The following GP6 variants were observed in gnomAD, a reference collection of about 807,000 sequenced individuals.
GP6 encodes platelet glycoprotein VI.
Under a neutral mutation model 37.3 loss-of-function variants are expected in GP6, and 45 were observed. The observed-to-expected ratio is 1.21, with a 90% confidence interval of 0.95 to 1.55. GP6 has a LOEUF of 1.55. GP6 is among the 40% of genes most tolerant of loss of function. The probability of loss-of-function intolerance (pLI) is 0.00; values close to 1 mark genes in which losing one functional copy is unlikely to be tolerated. For missense variants in GP6, 813 were observed against 760.2 expected, an observed-to-expected ratio of 1.07 and a Z score of -0.82; for synonymous variants, 340 against 316.4, an observed-to-expected ratio of 1.07 and a Z score of -0.79.
chr19:55,018,572 G>T, intron 6 of GP6, 80 bp downstream of exon 6: 1 of 869,114 alleles, frequency 1.2e-6, no homozygotes, highest in Non-Finnish European at 2.0e-6. Flanking sequence ...GTGATTAAAA[G>T]CCTACAGGCT....
At chr19:55,015,209 T>A in intron 7 of GP6, 44 bp from the exon 8 acceptor site, 1 of 1,549,668 alleles carries the variant, frequency 6.5e-7, no homozygotes, top group African/African-American at 1.4e-5. Context: ...AGAGCCCACC[T>A]CCAGGACCCC....
chr19:55,018,486 C>T (rs928915099), intron 6 of GP6, among the ~76,000 whole-genome samples, 166 bp downstream of exon 6: 2 of 152,352 alleles, frequency 1.3e-5, no homozygotes, highest in South Asian at 2.1e-4. Context: ...CTTCTGAACC[C>T]CAGAGCTCCA....
intron 3 of GP6, among the ~76,000 whole-genome samples, chr19:55,030,504 AATT>A (rs202107906): frequency 3.3e-5 from 5 of 150,722 alleles, no homozygotes; most frequent in Non-Finnish European, 7.4e-5. Flanking sequence ...GCGCCCAGCT[AATT>A]ATTATTATTT....
Position 55,030,355 on chromosome 19 carries a change from T to TG in GP6, c.325+1783_325+1784insC, listed in dbSNP as rs1483597584. 9.6e-4 allele frequency among the ~76,000 whole-genome samples: 114 copies of TG among 118,410 alleles called. 2 individuals are homozygous for TG. Among genetic ancestry groups the TG allele is most frequent in the Middle Eastern group, 5.2e-3 (1 of 194 alleles). 77.7% of individuals were successfully genotyped at this position (118,410 alleles called of 152,430 possible). Reference sequence around the variant, plus strand: ...ACATAGTAAGACCTCTTCTCTTTTTTTTTTTTTCCCAAGACGGAGTCTTGC... The same window carrying TG: ...ACATAGTAAGACCTCTTCTCTTTTTTGTTTTTTTCCCAAGACGGAGTCTTGC... On this transcript the variant is annotated intron_variant, in intron 3 of 7. Transcript: ENST00000310373.
intron 4 of GP6, among the ~76,000 whole-genome samples, chr19:55,025,804 C>T (rs1260675089): frequency 1.3e-5 from 2 of 152,030 alleles, no homozygotes; most frequent in Non-Finnish European, 2.9e-5. Context: ...GAGTTCAAGA[C>T]CAGCCTGGCC....
At chr19:55,024,278 A>ACACACACATGCACG (rs1568612194) in intron 5 of GP6, among the ~76,000 whole-genome samples, 1 of 66,544 alleles carries the variant, frequency 1.5e-5, no homozygotes. Context: ...GCACGCATGC[A>ACACACACATGCACG]CACACACACA....
chr19:55,014,724 C>T lies in GP6; in HGVS notation c.1221G>A (p.Leu407=). The T allele has an allele frequency of 6.2e-7, 1 of 1,613,446 alleles. No individual in the cohort carries two copies. The highest frequency in any genetic ancestry group is 1.6e-4 in the Middle Eastern group (1 of 6,062). ...TTCCATCCCAAATGGAGGGTGCCCTCAGACAGAGAGGCAGACAGACAGACA... is the reference window on the plus strand; with the variant it reads ...TTCCATCCCAAATGGAGGGTGCCCTTAGACAGAGAGGCAGACAGACAGACA... Residue 407 remains leucine (L), a synonymous_variant, in exon 8 of 8, where the codon CTG becomes CTA. Transcript: ENST00000310373.
chr19:55,032,110 G>T lies in GP6; in HGVS notation c.325+29C>A, dbSNP rs369128928. Reference sequence around the variant, plus strand: ...TGTGTCCTGAACGGAGGACCACGCAGTCCCAGGCTCCGATCCCCCTTCCTT... The same window carrying T: ...TGTGTCCTGAACGGAGGACCACGCATTCCCAGGCTCCGATCCCCCTTCCTT... On this transcript the variant is annotated intron_variant, in intron 3 of 7. Coordinates refer to ENST00000310373, the MANE Select transcript of GP6 (RefSeq NM_001083899.2). The T allele has an allele frequency of 3.8e-5, 61 of 1,610,490 alleles. No individual in the cohort carries two copies. The African/African-American group carries it at 6.9e-4, about 18-fold the overall frequency.
chr19:55,018,247 A>C (rs1343761085), intron 6 of GP6, among the ~76,000 whole-genome samples: 3 of 152,196 alleles, frequency 2.0e-5, no homozygotes, highest in Non-Finnish European at 4.4e-5. Flanking sequence ...GTATCTGCAG[A>C]GGCCTGGAGC....
At position 55,014,146 on chromosome 19, in the gene GP6, CGAGCTA is replaced by C. The variant is rs2073751436; in HGVS notation, c.1793_1798del (p.Leu598_Ala599del). The C allele has an allele frequency of 1.4e-6, 1 of 697,116 alleles. No individual in the cohort carries two copies. The highest frequency in any genetic ancestry group is 2.0e-5 in the Admixed American group (1 of 49,804). 43.2% of individuals were successfully genotyped at this position (697,116 alleles called of 1,614,324 possible). ...TGAGACAAAGTCAGGCTTCGTCACC[CGAGCTA>C]GAGTGCAGTGGTGTGATCTCAGCTC... On this transcript the variant is annotated inframe_deletion, in exon 8 of 8. Transcript: ENST00000310373.
Position 55,018,728 on chromosome 19 carries a change from A to G in GP6, c.665-17T>C. 1 of 1,578,190 alleles carries G rather than the reference A, an allele frequency of 6.3e-7. No homozygotes were observed. Among genetic ancestry groups the G allele is most frequent in the Non-Finnish European group, 8.7e-7 (1 of 1,147,178 alleles). ...CTGAGAATTCTAAGAAAGCAAAACA[A>G]TGTTAGGTCTTCCCCGTGGTTCCCT... is the stretch of plus-strand genomic sequence containing the variant. On this transcript the variant is annotated splice_polypyrimidine_tract_variant and intron_variant, in intron 5 of 7. Transcript: ENST00000310373.
intron 3 of GP6, 78 bp from the exon 4 acceptor site, chr19:55,027,940 C>T (rs61145631): frequency 1.4e-6 from 2 of 1,443,492 alleles, no homozygotes; most frequent in East Asian, 2.3e-5. Context: ...CCACACCTGC[C>T]TAAGAGCTGG....
intron 1 of GP6, among the ~76,000 whole-genome samples, chr19:55,035,390 T>C (rs2074791041): frequency 6.6e-6 from 1 of 152,100 alleles, no homozygotes; most frequent in Admixed American, 6.6e-5. Flanking sequence ...AATAACAACA[T>C]ATTGTACACT....
intron 5 of GP6, among the ~76,000 whole-genome samples, chr19:55,021,520 G>GGTTTTTTTTTTTTTTT (rs556854980): frequency 1.6e-5 from 2 of 126,246 alleles, no homozygotes; most frequent in Non-Finnish European, 1.6e-5. Flanking sequence ...ACTTTTGTTG[G>GGTTTTTTTTTTTTTTT]TTTTTTTTTT....
intron 5 of GP6, among the ~76,000 whole-genome samples, chr19:55,024,788 T>C (rs1191403142): frequency 6.6e-6 from 1 of 152,152 alleles, no homozygotes; most frequent in Non-Finnish European, 1.5e-5. Context: ...TCTTTAAGCC[T>C]CCAGGTGATT....
rs115872514 is a variant in GP6 at position 55,032,846 on chromosome 19, T to C, written c.35-308A>G. On this transcript the variant is annotated intron_variant, in intron 1 of 7. Transcript: ENST00000310373. ...GGTGGCGTACTGCTCTCTGTGGACT[T>C]GTTCGTGTTAGACACGGTGGGCTCG... 1.0e-3 allele frequency: 500 copies of C among 490,712 alleles called. 4 individuals carry two copies. In the African/African-American group the frequency reaches 0.012, roughly 11 times the overall value. 30.4% of individuals were successfully genotyped at this position (490,712 alleles called of 1,614,324 possible). A position where few individuals can be genotyped will look rare whatever the true frequency, so the allele number is the denominator to read the frequency against.
chr19:55,034,947 G>C (rs1261691587), intron 1 of GP6, among the ~76,000 whole-genome samples: 1 of 152,094 alleles, frequency 6.6e-6, no homozygotes, highest in Non-Finnish European at 1.5e-5. Context: ...CCCAACGCAA[G>C]CTCCGGCCGC....
At chr19:55,028,994 C>CA (rs1425102410) in intron 3 of GP6, among the ~76,000 whole-genome samples, 2 of 146,494 alleles carry the variant, frequency 1.4e-5, no homozygotes, top group African/African-American at 5.2e-5. Flanking sequence ...GACCTTGTCT[C>CA]AAAAAAAGAC....
In GP6 at chr19:55,015,705, T is replaced by A; in HGVS notation, c.753A>T (p.Pro251=). 2 of 1,584,966 alleles carry A rather than the reference T, an allele frequency of 1.3e-6. No individual in the cohort carries two copies. The highest frequency in any genetic ancestry group is 1.7e-6 in the Non-Finnish European group (2 of 1,153,238). ...CACCAGCTGGAGAGTCTGACTCCTT[T>A]GGACTGGCGGTGATACTCCTAGAAG... Residue 251 remains proline, a synonymous_variant, in exon 7 of 8, where the codon CCA becomes CCT. Transcript: ENST00000310373.
Sources: allele counts gnomAD v4.1 joint callset (sites outside exome capture counted in the v4.1 genomes callset), GRCh38; gene constraint gnomAD v4.1.1; transcripts MANE v1.5; gene names NCBI Gene and HGNC (gene_info 2026-07-23, HGNC 2026-07-21).